SH3TC1: variants seen among roughly 807,000 people sequenced by gnomAD.
SH3TC1 encodes SH3 domain and tetratricopeptide repeats 1, also known as SH3 domain and tetratricopeptide repeat-containing protein 1.
In SH3TC1, 135 loss-of-function variants were observed where a neutral mutation model predicts 117.3. That is an observed-to-expected ratio of 1.15 (90% confidence interval 1.00 to 1.33). The LOEUF (loss-of-function observed/expected upper bound fraction) is 1.33. Among genes scored for constraint, SH3TC1 ranks in the 40% most tolerant of loss-of-function variants. The probability of loss-of-function intolerance (pLI) is 0.00; values close to 1 mark genes in which losing one functional copy is unlikely to be tolerated. For synonymous variants in SH3TC1, 898 were observed against 816.9 expected (o/e 1.10, Z -1.69); for missense variants, 2,092 against 1,794.3 (o/e 1.17, Z -3.00).
rs1260490550 is a variant in SH3TC1 at position 8,231,882 on chromosome 4, T to G, written c.2951-94T>G. 2.5e-5 allele frequency: 36 copies of G among 1,433,532 alleles called. No homozygotes were observed. The Middle Eastern group carries it at 1.1e-3, about 44-fold the overall frequency. The allele number at this position is 1,433,532 out of a possible 1,614,324, so 88.8% of individuals were successfully genotyped here. ...TGTGGGGCCCAGGCTCACAGAGGTG[T>G]GAAAGAGGCAAGCACACCGCAGGGG... On this transcript the variant is annotated intron_variant, in intron 12 of 17. Transcript: ENST00000245105.
At chr4:8,207,017 T>A (rs1435851717) in intron 2 of SH3TC1, among the ~76,000 whole-genome samples, 1 of 149,568 alleles carries the variant, frequency 6.7e-6, no homozygotes, top group Non-Finnish European at 1.5e-5. Context: ...AATAACACCA[T>A]CACCTCATCT....
intron 9 of SH3TC1, 110 bp from the exon 10 acceptor site, chr4:8,222,730 T>C (rs1027981970): frequency 5.9e-6 from 8 of 1,358,924 alleles, no homozygotes; most frequent in Non-Finnish European, 6.1e-6. Context: ...GGGCAGAGAG[T>C]AGTGCTCCGA....
intron 14 of SH3TC1, among the ~76,000 whole-genome samples, chr4:8,233,785 C>T (rs994091874): frequency 6.8e-6 from 1 of 147,996 alleles, no homozygotes; most frequent in African/African-American, 2.6e-5. Flanking sequence ...CATTATCCAT[C>T]CATTCACCTG....
rs200305611 is a variant in SH3TC1 at position 8,212,818 on chromosome 4, G to A, written c.365G>A (p.Arg122His). Reference sequence around the variant, plus strand: ...GAGAATGATAGCCGGGAGATGGCCCGCGTGCTTGGGGTGAGTAGCCCTCTG... The same window carrying A: ...GAGAATGATAGCCGGGAGATGGCCCACGTGCTTGGGGTGAGTAGCCCTCTG... ...LLENDSREMA[R>H]VLGELSARLL... The change falls in exon 4 of 18, where the codon CGC becomes CAC. Residue 122 changes from arginine to histidine, a missense_variant. Coordinates refer to ENST00000245105, the MANE Select transcript of SH3TC1 (RefSeq NM_018986.5). The A allele has an allele frequency of 1.0e-3, 1,580 of 1,583,890 alleles. 4 individuals are homozygous for A. Among genetic ancestry groups the A allele is most frequent in the Non-Finnish European group, 1.3e-3 (1,483 of 1,165,168 alleles).
rs768187416 is a variant in SH3TC1 at position 8,212,805 on chromosome 4, C to T, written c.352C>T (p.Arg118Trp). 200 of 1,599,194 alleles carry T rather than the reference C, an allele frequency of 1.3e-4. No individual in the cohort carries two copies. In the East Asian group the frequency reaches 1.4e-3, roughly 11 times the overall value. ...GQLRLLENDS[R>W]EMARVLGELS... ...GCTCCGCCTGCTGGAGAATGATAGCCGGGAGATGGCCCGCGTGCTTGGGGT... is the reference window on the plus strand; with the variant it reads ...GCTCCGCCTGCTGGAGAATGATAGCTGGGAGATGGCCCGCGTGCTTGGGGT... The change falls in exon 4 of 18, where the codon CGG (arginine) becomes TGG (tryptophan). Residue 118 changes from arginine to tryptophan, a missense_variant. Arg to Trp is a moderately radical substitution (Grantham distance 101). Transcript: ENST00000245105.
Position 8,227,426 on chromosome 4 carries a change from C to T in SH3TC1, c.1732C>T (p.Gln578Ter), listed in dbSNP as rs1720581812. 1 of 1,555,202 alleles carries T rather than the reference C, an allele frequency of 6.4e-7. No homozygotes were observed. Among genetic ancestry groups the T allele is most frequent in the Admixed American group, 2.0e-5 (1 of 50,302 alleles). Reference sequence around the variant, plus strand: ...GTGCAGCAGGAGGCTCAAGCTGTCCCAGGCCCGGGTGTACTTTGAGGAAGC... The same window carrying T: ...GTGCAGCAGGAGGCTCAAGCTGTCCTAGGCCCGGGTGTACTTTGAGGAAGC... The part of the protein sequence containing the change: ...RLCSRRLKLS[Q>*]ARVYFEEALG... Residue 578 changes from glutamine (Q) to a stop codon, truncating the protein, a stop_gained, in exon 12 of 18, where the codon CAG becomes TAG. Coordinates refer to ENST00000245105, the MANE Select transcript of SH3TC1 (RefSeq NM_018986.5). LOFTEE classifies it high-confidence loss of function.
chr4:8,235,601 C>A lies in SH3TC1; in HGVS notation c.3405+46C>A, dbSNP rs770255681. ...ATGTGGGTGGGCCCCAGGGGGGGCACCTTGAGGGCTGAGGCACAGGTGTGG... is the reference window on the plus strand; with the variant it reads ...ATGTGGGTGGGCCCCAGGGGGGGCAACTTGAGGGCTGAGGCACAGGTGTGG... On this transcript the variant is annotated intron_variant, in intron 15 of 17. Coordinates refer to ENST00000245105, the MANE Select transcript of SH3TC1 (RefSeq NM_018986.5). The A allele has an allele frequency of 9.1e-5, 137 of 1,510,952 alleles. 2 individuals are homozygous for A. The South Asian group carries it at 1.7e-3, about 19-fold the overall frequency. 93.6% of individuals were successfully genotyped at this position (1,510,952 alleles called of 1,614,324 possible).
chr4:8,206,849 G>GTA lies in SH3TC1; in HGVS notation c.172+1484_172+1485insAT, dbSNP rs1718251634. The stretch of plus-strand genomic sequence containing the variant: ...TGTGTACTCGTGTGTGTGTGTGTGT[G>GTA]TGTGTGTGTGTGTGTGTGTGATTTT... On this transcript the variant is annotated intron_variant, in intron 2 of 17. Transcript: ENST00000245105. This position sits in a 1 kb window ranked among gnomAD's most constrained non-coding sequence, Gnocchi z 5.5. Among the ~76,000 whole-genome samples, 2 of 151,978 alleles carry GTA rather than the reference G, an allele frequency of 1.3e-5. No homozygotes were observed. The highest frequency in any genetic ancestry group is 1.3e-4 in the Admixed American group (2 of 15,250).
At chr4:8,222,361 G>GTTTTT in intron 9 of SH3TC1, among the ~76,000 whole-genome samples, 1 of 40,282 alleles carries the variant, frequency 2.5e-5, no homozygotes, top group Non-Finnish European at 4.3e-5. Context: ...TCAGGATCTG[G>GTTTTT]TTTTTTTTTT....
At position 8,215,318 on chromosome 4, in the gene SH3TC1, G is replaced by A. The variant is rs1484844990; in HGVS notation, c.481+738G>A. 5 of 446,914 alleles carry A rather than the reference G, an allele frequency of 1.1e-5. No homozygotes were observed. The East Asian group carries it at 3.5e-4, about 32-fold the overall frequency. 27.7% of individuals were successfully genotyped at this position (446,914 alleles called of 1,614,324 possible). ...CTAACGGAGCCTCCCTGGGGATCTT[G>A]CGACACCACCCTTGATTTGAGGGCT... On this transcript the variant is annotated intron_variant, in intron 5 of 17. Coordinates refer to ENST00000245105, the MANE Select transcript of SH3TC1 (RefSeq NM_018986.5).
rs770214432 is a variant in SH3TC1 at position 8,227,494 on chromosome 4, G to T, written c.1800G>T (p.Val600=). 2 of 1,560,454 alleles carry T rather than the reference G, an allele frequency of 1.3e-6. No individual in the cohort carries two copies. The highest frequency in any genetic ancestry group is 1.2e-5 in the South Asian group (1 of 81,078). Reference sequence around the variant, plus strand: ...GCAGCTTCGGGGACCTGTTCCTAGTGGTGGCTGTGTACGCCAACCTGGCCA... The same window carrying T: ...GCAGCTTCGGGGACCTGTTCCTAGTTGTGGCTGTGTACGCCAACCTGGCCA... ...LEGSFGDLFL[V]VAVYANLASI... Residue 600 remains valine, a synonymous_variant, in exon 12 of 18, where the codon GTG becomes GTT. Coordinates refer to ENST00000245105, the MANE Select transcript of SH3TC1 (RefSeq NM_018986.5).
At chr4:8,194,058 C>T (rs1368903394) in intron 1 of SH3TC1, among the ~76,000 whole-genome samples, 1 of 152,248 alleles carries the variant, frequency 6.6e-6, no homozygotes, top group East Asian at 1.9e-4. Context: ...GCCAGCACCC[C>T]TGGCTTGAGT....
intron 17 of SH3TC1, among the ~76,000 whole-genome samples, chr4:8,239,961 G>A (rs910237177): frequency 7.9e-5 from 12 of 152,246 alleles, no homozygotes; most frequent in African/African-American, 2.7e-4. Context: ...GGGCCGTGAG[G>A]GCATGGGCTG....
At position 8,217,015 on chromosome 4, in the gene SH3TC1, T is replaced by G; in HGVS notation, c.687T>G (p.Asp229Glu). ...TGAGAGTGATGACGGGTCCCCGGGA[T>G]GCAGGAAATGGCCCCCAGGCCCTCA... Reference protein sequence around the residue: ...HHVRVMTGPRDAGNGPQALRQ... With the variant: ...HHVRVMTGPREAGNGPQALRQ... Residue 229 changes from aspartate to glutamate, a missense_variant, in exon 7 of 18, where the codon GAT (aspartate) becomes GAG (glutamate). By Grantham distance (45) the Asp-to-Glu change is conservative. Coordinates refer to ENST00000245105, the MANE Select transcript of SH3TC1 (RefSeq NM_018986.5). The G allele has an allele frequency of 6.2e-7, 1 of 1,613,832 alleles. No homozygotes were observed. The highest frequency in any genetic ancestry group is 1.3e-5 in the African/African-American group (1 of 75,034).
intron 2 of SH3TC1, among the ~76,000 whole-genome samples, chr4:8,208,676 C>T (rs1201631309): frequency 6.6e-6 from 1 of 152,240 alleles, no homozygotes; most frequent in Non-Finnish European, 1.5e-5. Context: ...TCTGAGCCCC[C>T]ACTGCATGCC....
chr4:8,238,611 C>T (rs1293657250), intron 17 of SH3TC1, among the ~76,000 whole-genome samples: 1 of 152,184 alleles, frequency 6.6e-6, no homozygotes, highest in East Asian at 1.9e-4. Context: ...CAGGGAGGCC[C>T]CCGCCCGGTG....
At position 8,228,441 on chromosome 4, in the gene SH3TC1, C is replaced by A; in HGVS notation, c.2747C>A (p.Ala916Glu). The change falls in exon 12 of 18, where the codon GCG becomes GAG. Residue 916 changes from alanine (A) to glutamate (E), a missense_variant. Transcript: ENST00000245105. Reference sequence around the variant, plus strand: ...AACTTCGGGGCCCTGTGCCTGCATGCGGGTGCCAGCAGGCTGGCCCAGCAC... The same window carrying A: ...AACTTCGGGGCCCTGTGCCTGCATGAGGGTGCCAGCAGGCTGGCCCAGCAC... ...LANFGALCLH[A>E]GASRLAQHYL... 6.2e-7 allele frequency: 1 copy of A among 1,603,970 alleles called. No homozygotes were observed. The highest frequency in any genetic ancestry group is 8.5e-7 in the Non-Finnish European group (1 of 1,175,134).
At chr4:8,184,829 C>G (rs1281108) in intron 1 of SH3TC1, among the ~76,000 whole-genome samples, 1 of 151,328 alleles carries the variant, frequency 6.6e-6, no homozygotes, top group Non-Finnish European at 1.5e-5. Flanking sequence ...GTCAATCTCA[C>G]GAGATTGTCG....
chr4:8,218,193 C>A (rs1408570330), intron 7 of SH3TC1, 78 bp from the exon 8 acceptor site: 16 of 1,121,204 alleles, frequency 1.4e-5, no homozygotes, highest in Non-Finnish European at 2.0e-5. Flanking sequence ...GGGCTGCTGG[C>A]CTGTCCAGTC....
Sources: allele counts gnomAD v4.1 joint callset (sites outside exome capture counted in the v4.1 genomes callset), GRCh38; gene constraint gnomAD v4.1.1; non-coding constraint Gnocchi (gnomAD v3.1); transcripts MANE v1.5; gene names NCBI Gene and HGNC (gene_info 2026-07-23, HGNC 2026-07-21).